Variants in LMAN1 observed in about 807,000 individuals in gnomAD.
LMAN1 encodes protein ERGIC-53.
LMAN1 carries 32 observed loss-of-function variants against 67.8 expected under a neutral mutation model. That is an observed-to-expected ratio of 0.47 (90% CI 0.36 to 0.63). LMAN1 has a LOEUF of 0.63. Among genes scored for constraint, LMAN1 ranks in the 30% least tolerant of loss-of-function variants. LMAN1 has a pLI of 0.00. For synonymous variants in LMAN1, 235 were observed against 219.3 expected, an observed-to-expected ratio of 1.07 and a Z score of -0.63; for missense variants, 632 against 628.2, an observed-to-expected ratio of 1.01 and a Z score of -0.06.
chr18:59,355,537 C>T lies in LMAN1; in HGVS notation c.336G>A (p.Val112=). ...CAGCTCCAATTCGACCTCTTCCAGT[C>T]ACTCGAAATGTCACCTCAACTTCCC... The part of the protein sequence containing the change: ...ENWEVEVTFR[V]TGRGRIGADG... Residue 112 remains valine, a synonymous_variant, in exon 2 of 13, where the codon GTG becomes GTA. Coordinates refer to ENST00000251047, the MANE Select transcript of LMAN1 (RefSeq NM_005570.4). 1 of 1,614,128 alleles carries T rather than the reference C, an allele frequency of 6.2e-7. No individual in the cohort carries two copies.
Position 59,338,837 on chromosome 18 carries a change from C to T in LMAN1, c.1072G>A (p.Glu358Lys). The T allele has an allele frequency of 6.2e-7, 1 of 1,613,964 alleles. No individual in the cohort carries two copies. The change falls in exon 9 of 13, where the codon GAA becomes AAA. Residue 358 changes from glutamate to lysine, a missense_variant. Transcript: ENST00000251047. ...AAGGAAGAGACATATCTTCTCTGTT[C>T]ATCAAGAATCATATCTAACTGCCGG... The part of the protein sequence containing the change: ...LNRQLDMILD[E>K]QRRYVSSLTE...
Position 59,327,834 on chromosome 18 carries a change from A to G in LMAN1, c.*3259T>C, listed in dbSNP as rs2070721793. ...AAGGAAAAAGCAAATTTACTAAAAT[A>G]TTTCTTTATTTGAATAAGGTCAATG... On this transcript the variant is annotated 3_prime_UTR_variant, in exon 13 of 13. Coordinates refer to ENST00000251047, the MANE Select transcript of LMAN1 (RefSeq NM_005570.4). The G allele has an allele frequency of 6.6e-6, 1 of 152,200 alleles. No homozygotes were observed. Among genetic ancestry groups the G allele is most frequent in the South Asian group, 2.1e-4 (1 of 4,830 alleles). The allele number at this position is 152,200 out of a possible 1,614,324, so 9.4% of individuals were successfully genotyped here.
intron 10 of LMAN1, chr18:59,333,596 G>C (rs895609813): frequency 7.7e-5 from 18 of 232,618 alleles, no homozygotes; most frequent in Non-Finnish European, 1.4e-4. Context: ...TAAAGGACTA[G>C]TGCCAAACGC....
rs886054035 is a variant in LMAN1 at position 59,329,637 on chromosome 18, CTGTT to C, written c.*1452_*1455del. Reference sequence around the variant, plus strand: ...TATCAACATAAAAAGCAACGCCAGACTGTTTGCACACACAGCACTCGTTTGGTAT... The same window carrying C: ...TATCAACATAAAAAGCAACGCCAGACTGCACACACAGCACTCGTTTGGTAT... On this transcript the variant is annotated 3_prime_UTR_variant, in exon 13 of 13. Coordinates refer to ENST00000251047, the MANE Select transcript of LMAN1 (RefSeq NM_005570.4). 2.0e-5 allele frequency: 3 copies of C among 152,150 alleles called. No individual in the cohort carries two copies. Among genetic ancestry groups the C allele is most frequent in the African/African-American group, 7.2e-5 (3 of 41,446 alleles). 9.4% of individuals were successfully genotyped at this position (152,150 alleles called of 1,614,324 possible).
At chr18:59,340,943 T>C (rs951539980) in intron 8 of LMAN1, among the ~76,000 whole-genome samples, 2 of 152,106 alleles carry the variant, frequency 1.3e-5, no homozygotes, top group Non-Finnish European at 2.9e-5. Flanking sequence ...TGGATTAAAA[T>C]ACATGGCACA....
At chr18:59,332,579 A>G (rs1416579469) in intron 11 of LMAN1, among the ~76,000 whole-genome samples, 1 of 152,210 alleles carries the variant, frequency 6.6e-6, no homozygotes, top group African/African-American at 2.4e-5. Context: ...GATATAAAAT[A>G]TAAGGGATTG....
chr18:59,344,586 A>G (rs1908359056), intron 8 of LMAN1, among the ~76,000 whole-genome samples: 1 of 151,958 alleles, frequency 6.6e-6, no homozygotes, highest in Middle Eastern at 3.4e-3. Context: ...ATTCTCACTT[A>G]TAAGTAAAAG....
intron 5 of LMAN1, 152 bp from the exon 6 acceptor site, chr18:59,349,388 AT>A: frequency 1.4e-6 from 1 of 718,432 alleles, no homozygotes; most frequent in Non-Finnish European, 2.3e-6. Flanking sequence ...TATACAATAT[AT>A]TTTACTTAAA....
chr18:59,350,653 C>G (rs1268391137), intron 5 of LMAN1, among the ~76,000 whole-genome samples: 1 of 152,142 alleles, frequency 6.6e-6, no homozygotes, highest in Non-Finnish European at 1.5e-5. Flanking sequence ...CGCCACAAAG[C>G]CTGGCTAATT....
At position 59,328,477 on chromosome 18, in the gene LMAN1, A is replaced by G. The variant is rs1442125296; in HGVS notation, c.*2616T>C. The G allele has an allele frequency of 6.6e-6, 1 of 152,236 alleles. No homozygotes were observed. Among genetic ancestry groups the G allele is most frequent in the Non-Finnish European group, 1.5e-5 (1 of 68,038 alleles). 9.4% of individuals were successfully genotyped at this position (152,236 alleles called of 1,614,324 possible). The stretch of plus-strand genomic sequence containing the variant: ...ATAAAAGGAACATTAAGTAAATTGT[A>G]GGTATAAAAGAATCAGTGCATATCT... On this transcript the variant is annotated 3_prime_UTR_variant, in exon 13 of 13. Transcript: ENST00000251047.
chr18:59,348,977 G>A (rs1908481410), intron 6 of LMAN1, 136 bp downstream of exon 6: 1 of 1,017,222 alleles, frequency 9.8e-7, no homozygotes, highest in African/African-American at 1.6e-5. Flanking sequence ...CCAAAAGACT[G>A]GCACAAGAGG....
rs962273774 is a variant in LMAN1 at position 59,353,308 on chromosome 18, T to C, written c.540-7A>G. The C allele has an allele frequency of 5.0e-6, 8 of 1,603,496 alleles. No homozygotes were observed. Among genetic ancestry groups the C allele is most frequent in the South Asian group, 2.2e-5 (2 of 90,912 alleles). On this transcript the variant is annotated splice_region_variant and splice_polypyrimidine_tract_variant and intron_variant, in intron 4 of 12. Transcript: ENST00000251047. Reference sequence around the variant, plus strand: ...AGCTTGACTAGCCCCGTCACTATAGTGTAAGGGGGAGGAAAACAGACAAGA... The same window carrying C: ...AGCTTGACTAGCCCCGTCACTATAGCGTAAGGGGGAGGAAAACAGACAAGA...
intron 10 of LMAN1, among the ~76,000 whole-genome samples, chr18:59,334,542 G>C (rs1180383963): frequency 6.6e-6 from 1 of 152,186 alleles, no homozygotes; most frequent in Non-Finnish European, 1.5e-5. Context: ...GTGAAAAGAG[G>C]GCTGGACAGA....
chr18:59,338,413 T>C, intron 10 of LMAN1, 144 bp downstream of exon 10: 1 of 700,500 alleles, frequency 1.4e-6, no homozygotes, highest in South Asian at 1.6e-5. Context: ...GCTGTATTTA[T>C]GGTCCCCTAT....
rs1384829350 is a variant in LMAN1, at chr18:59,328,539, C to T, written c.*2554G>A. 1 of 152,178 alleles carries T rather than the reference C, an allele frequency of 6.6e-6. No homozygotes were observed. The highest frequency in any genetic ancestry group is 1.5e-5 in the Non-Finnish European group (1 of 68,038). 9.4% of individuals were successfully genotyped at this position (152,178 alleles called of 1,614,324 possible). ...TGACAATAAAAATATATTATCTTCTCAGCTCAGCTCTAAATTAACAAAACA... is the reference window on the plus strand; with the variant it reads ...TGACAATAAAAATATATTATCTTCTTAGCTCAGCTCTAAATTAACAAAACA... On this transcript the variant is annotated 3_prime_UTR_variant, in exon 13 of 13. Coordinates refer to ENST00000251047, the MANE Select transcript of LMAN1 (RefSeq NM_005570.4).
intron 9 of LMAN1, 43 bp from the exon 10 acceptor site, chr18:59,338,670 T>G: frequency 1.2e-6 from 2 of 1,605,438 alleles, no homozygotes; most frequent in Non-Finnish European, 1.7e-6. Flanking sequence ...TAATCCACAT[T>G]CTATGAGCAC....
intron 6 of LMAN1, among the ~76,000 whole-genome samples, chr18:59,347,907 C>G (rs1908455626): frequency 6.6e-6 from 1 of 152,260 alleles, no homozygotes; most frequent in African/African-American, 2.4e-5. Context: ...ACTCCTTATT[C>G]TGGTACCAAG....
At chr18:59,341,966 C>G (rs1908298279) in intron 8 of LMAN1, among the ~76,000 whole-genome samples, 1 of 151,874 alleles carries the variant, frequency 6.6e-6, no homozygotes, top group South Asian at 2.1e-4. Flanking sequence ...GAGAGACGAT[C>G]CAAATAAACA....
At chr18:59,353,980 T>C (rs1908602902) in intron 4 of LMAN1, among the ~76,000 whole-genome samples, 2 of 152,220 alleles carry the variant, frequency 1.3e-5, no homozygotes, top group Non-Finnish European at 2.9e-5. Context: ...TGTATTCTTG[T>C]TGCGTACACA....
Sources: gnomAD v4.1 joint callset for allele counts (sites outside exome capture counted in the v4.1 genomes callset) on GRCh38, gnomAD v4.1.1 for gene constraint, MANE v1.5 for transcripts, NCBI Gene and HGNC (gene_info 2026-07-23, HGNC 2026-07-21) for gene names.